DOCK4: variants seen among roughly 807,000 people sequenced by gnomAD.
DOCK4 encodes the protein dedicator of cytokinesis protein 4.
Under a neutral mutation model 268.1 loss-of-function variants are expected in DOCK4, and 97 were observed. The ratio of observed to expected loss-of-function variants is 0.36; its 90% CI spans 0.31 to 0.43. The LOEUF is 0.43. DOCK4 is among the 20% of genes least tolerant of loss of function. The pLI is 1.00. For synonymous variants in DOCK4, 954 were observed against 887.2 expected (o/e 1.08, Z -1.34); for missense variants, 2,145 against 2,455.7 (o/e 0.87, Z 2.67).
At chr7:112,097,115 C>A (rs1586815882) in intron 1 of DOCK4, among the ~76,000 whole-genome samples, 1 of 152,148 alleles carries the variant, frequency 6.6e-6, no homozygotes, top group Admixed American at 6.5e-5. Flanking sequence ...AACCCAAATA[C>A]CCACCCAGAA....
At chr7:112,139,174 A>C (rs1814655106) in intron 1 of DOCK4, among the ~76,000 whole-genome samples, 1 of 152,126 alleles carries the variant, frequency 6.6e-6, no homozygotes, top group Non-Finnish European at 1.5e-5. Flanking sequence ...TCCTGTAACC[A>C]ATTTGTGTAC....
chr7:111,922,557 T>C (rs1408300641), intron 12 of DOCK4, among the ~76,000 whole-genome samples: 1 of 152,004 alleles, frequency 6.6e-6, no homozygotes, highest in Non-Finnish European at 1.5e-5. Flanking sequence ...CGTACACACT[T>C]GCTTCTTACA....
chr7:111,893,925 A>T (rs761830163), intron 16 of DOCK4, among the ~76,000 whole-genome samples: 13 of 152,248 alleles, frequency 8.5e-5, no homozygotes, highest in Non-Finnish European at 1.9e-4. Flanking sequence ...CTATAAAAAT[A>T]GAAAATACCA....
intron 51 of DOCK4, among the ~76,000 whole-genome samples, chr7:111,734,518 G>A (rs928357851): frequency 1.6e-4 from 24 of 152,186 alleles, no homozygotes; most frequent in African/African-American, 5.1e-4. Context: ...CCACCTGAGG[G>A]GATGCGGTAC....
intron 8 of DOCK4, chr7:111,971,672 A>C (rs1469404112): frequency 4.0e-5 from 10 of 253,138 alleles, no homozygotes; most frequent in South Asian, 5.9e-5. Context: ...AGCCTGGGCC[A>C]ACAGCCTCTT....
At chr7:111,813,036 A>T (rs911215082) in intron 27 of DOCK4, among the ~76,000 whole-genome samples, 4 of 152,240 alleles carry the variant, frequency 2.6e-5, no homozygotes, top group African/African-American at 9.6e-5. Context: ...TTTAAAGTTG[A>T]ACATATTTCC....
chr7:111,894,656 G>T (rs888447274), intron 16 of DOCK4, among the ~76,000 whole-genome samples: 8 of 152,176 alleles, frequency 5.3e-5, no homozygotes, highest in African/African-American at 1.7e-4. Context: ...GGCAAGGGAA[G>T]AGCAGAAAGA....
chr7:111,864,258 C>A (rs1285507597), intron 22 of DOCK4, among the ~76,000 whole-genome samples: 9 of 136,576 alleles, frequency 6.6e-5, no homozygotes, highest in Non-Finnish European at 9.5e-5. Flanking sequence ...AAAAAAAAAA[C>A]CCGATCATCA....
intron 1 of DOCK4, among the ~76,000 whole-genome samples, chr7:112,030,208 G>T: frequency 6.6e-6 from 1 of 152,214 alleles, no homozygotes; most frequent in East Asian, 1.9e-4. Context: ...CAAGCATACA[G>T]GAATCTGTTT....
At chr7:112,027,791 C>T (rs1408612501) in intron 1 of DOCK4, among the ~76,000 whole-genome samples, 2 of 152,158 alleles carry the variant, frequency 1.3e-5, no homozygotes, top group Non-Finnish European at 2.9e-5. Flanking sequence ...TATTTGACAT[C>T]CTTCTCCAAA....
chr7:111,951,964 A>G (rs1796084814), intron 8 of DOCK4, among the ~76,000 whole-genome samples: 2 of 152,192 alleles, frequency 1.3e-5, no homozygotes, highest in South Asian at 2.1e-4. Context: ...TTAAAACATA[A>G]TAATTACAAA....
intron 35 of DOCK4, among the ~76,000 whole-genome samples, chr7:111,780,249 T>A (rs1033295510): frequency 6.6e-6 from 1 of 152,006 alleles, no homozygotes; most frequent in African/African-American, 2.4e-5. Flanking sequence ...TTAAGTCAAA[T>A]GCATCATAAA....
chr7:111,757,649 A>C (rs1797120818), intron 41 of DOCK4, among the ~76,000 whole-genome samples: 1 of 151,634 alleles, frequency 6.6e-6, no homozygotes, highest in Non-Finnish European at 1.5e-5. Flanking sequence ...TCCTGTCATA[A>C]CTCTGCAAAA....
In DOCK4 at chr7:111,732,306, A is replaced by G. The variant is rs374267529; in HGVS notation, c.5420-19T>C. ...GGTGAAGCTGTCAATGGGGAGAGAG[A>G]TAACATTTCAATTAAGAAAAACCAG... On this transcript the variant is annotated intron_variant, in intron 51 of 52. Coordinates refer to ENST00000428084, the MANE Select transcript of DOCK4 (RefSeq NM_001363540.2). 2.1e-4 allele frequency: 340 copies of G among 1,613,438 alleles called. No individual in the cohort carries two copies. Among genetic ancestry groups the G allele is most frequent in the Non-Finnish European group, 2.7e-4 (318 of 1,179,612 alleles).
intron 42 of DOCK4, among the ~76,000 whole-genome samples, chr7:111,753,811 C>T (rs149249599): frequency 1.9e-4 from 29 of 152,314 alleles, no homozygotes; most frequent in African/African-American, 6.0e-4. Flanking sequence ...AACACAAAAG[C>T]TGTTAAGAGT....
intron 1 of DOCK4, among the ~76,000 whole-genome samples, chr7:112,134,697 CAG>C (rs1252947571): frequency 4.6e-5 from 7 of 152,158 alleles, no homozygotes; most frequent in Admixed American, 6.5e-5. Context: ...GCCTGGGCGA[CAG>C]AGCGAGACTC....
At position 111,792,627 on chromosome 7, in the gene DOCK4, C is replaced by T. The variant is rs535075830; in HGVS notation, c.3167-2022G>A. On this transcript the variant is annotated intron_variant, in intron 30 of 52. Coordinates refer to ENST00000428084, the MANE Select transcript of DOCK4 (RefSeq NM_001363540.2). ...TGAACTCCTGACCTCAGGTGATCCA[C>T]CCGCCTCAGCCTCCCAAAGTGCTGG... is the stretch of plus-strand genomic sequence containing the variant. 9.8e-4 allele frequency among the ~76,000 whole-genome samples: 149 copies of T among 152,290 alleles called. 1 individual carries two copies. The highest frequency in any genetic ancestry group is 2.2e-3 in the Admixed American group (33 of 15,302).
chr7:111,941,719 T>C (rs1795207602), intron 10 of DOCK4, among the ~76,000 whole-genome samples: 2 of 152,102 alleles, frequency 1.3e-5, no homozygotes, highest in Non-Finnish European at 2.9e-5. Flanking sequence ...CACAAGGGCA[T>C]GCACACATTT....
At chr7:112,010,969 A>G (rs1477515429) in intron 1 of DOCK4, among the ~76,000 whole-genome samples, 1 of 152,188 alleles carries the variant, frequency 6.6e-6, no homozygotes, top group Non-Finnish European at 1.5e-5. Context: ...TGCCCCTCCC[A>G]GATCCTTCTT....
Sources: allele counts gnomAD v4.1 joint callset (sites outside exome capture counted in the v4.1 genomes callset), GRCh38; gene constraint gnomAD v4.1.1; transcripts MANE v1.5; gene names NCBI Gene and HGNC (gene_info 2026-07-23, HGNC 2026-07-21).